The following TMEM161B variants were observed in gnomAD, a reference collection of about 807,000 sequenced individuals.
TMEM161B encodes the protein transmembrane protein 161B.
In TMEM161B, 34 loss-of-function variants were observed where a neutral mutation model predicts 61.8. The ratio of observed to expected loss-of-function variants is 0.55; its 90% confidence interval spans 0.42 to 0.73. The LOEUF (loss-of-function observed/expected upper bound fraction) is 0.73, where lower values mean the gene tolerates loss of function less well. Among genes scored for constraint, TMEM161B ranks in the 30% least tolerant of loss-of-function variants. TMEM161B has a pLI of 0.00. For missense variants in TMEM161B, 456 were observed against 558.5 expected, an observed-to-expected ratio of 0.82 and a Z score of 1.85; for synonymous variants, 167 against 192.8, an observed-to-expected ratio of 0.87 and a Z score of 1.11.
At chr5:88,234,940 C>A (rs1159147802) in intron 2 of TMEM161B, among the ~76,000 whole-genome samples, 1 of 152,110 alleles carries the variant, frequency 6.6e-6, no homozygotes, top group Non-Finnish European at 1.5e-5. Flanking sequence ...GTTAAATATA[C>A]AACTTTCAGT....
intron 5 of TMEM161B, among the ~76,000 whole-genome samples, chr5:88,209,515 C>T (rs186686477): frequency 1.3e-5 from 2 of 152,210 alleles, no homozygotes; most frequent in Non-Finnish European, 2.9e-5. Flanking sequence ...TATGTCAACA[C>T]TAAAGGAAAA....
intron 10 of TMEM161B, 105 bp downstream of exon 10, chr5:88,198,871 G>T (rs973719212): frequency 8.7e-5 from 83 of 949,830 alleles, no homozygotes; most frequent in Non-Finnish European, 1.2e-4. Flanking sequence ...TTTATAATAA[G>T]AATATGATGG....
chr5:88,225,387 G>A (rs1253615306), intron 4 of TMEM161B, among the ~76,000 whole-genome samples: 1 of 152,148 alleles, frequency 6.6e-6, no homozygotes, highest in African/African-American at 2.4e-5. Context: ...CTGCATAAAA[G>A]TAGGCACCCC....
rs1325974365 is a variant in TMEM161B at position 88,230,271 on chromosome 5, T to TA, written c.108-1744dup. ...GTACCCACTGAATATTTGATTACAT[T>TA]AAAAAATTTTAGGTATGATAATGAG... On this transcript the variant is annotated intron_variant, in intron 2 of 11. Transcript: ENST00000296595. Among the ~76,000 whole-genome samples, 3 of 152,166 alleles carry TA rather than the reference T, an allele frequency of 2.0e-5. No homozygotes were observed. The South Asian group carries it at 6.2e-4, about 32-fold the overall frequency.
chr5:88,253,263 G>A (rs1754567718), intron 1 of TMEM161B, among the ~76,000 whole-genome samples: 1 of 152,126 alleles, frequency 6.6e-6, no homozygotes, highest in Non-Finnish European at 1.5e-5. Context: ...TTCATCGTAT[G>A]TGGATTTTAT....
In TMEM161B at chr5:88,209,191, A is replaced by ACTTC. The variant is rs1480398311; in HGVS notation, c.447-2012_447-2011insGAAG. ...TCTCTTTCTTGGCATTATAAGGAAG[A>ACTTC]GCTTACATATTAGAAGAGGACAAAG... On this transcript the variant is annotated intron_variant, in intron 5 of 11. Coordinates refer to ENST00000296595, the MANE Select transcript of TMEM161B (RefSeq NM_153354.5). Among the ~76,000 whole-genome samples, 629 of 152,280 alleles carry ACTTC rather than the reference A, an allele frequency of 4.1e-3. 10 individuals carry two copies. Among genetic ancestry groups the ACTTC allele is most frequent in the African/African-American group, 0.015 (605 of 41,552 alleles).
intron 1 of TMEM161B, among the ~76,000 whole-genome samples, chr5:88,243,660 G>C (rs1382471388): frequency 6.6e-6 from 1 of 151,864 alleles, no homozygotes; most frequent in African/African-American, 2.4e-5. Flanking sequence ...AGTTATTTGA[G>C]AAGTCGCCAA....
At chr5:88,190,623 C>A (rs1368828208), downstream of TMEM161B, among the ~76,000 whole-genome samples, 1 of 152,224 alleles carries the variant, frequency 6.6e-6, no homozygotes, top group East Asian at 1.9e-4. Context: ...CCAAACCCAC[C>A]AAGGTGGAAG....
intron 1 of TMEM161B, among the ~76,000 whole-genome samples, chr5:88,257,560 T>C (rs1005744596): frequency 6.6e-6 from 1 of 152,224 alleles, no homozygotes; most frequent in East Asian, 1.9e-4. Flanking sequence ...CCTGGGATTC[T>C]TTCCTTATCT....
chr5:88,185,666 G>T (rs1046806427), downstream of TMEM161B, among the ~76,000 whole-genome samples: 1 of 152,138 alleles, frequency 6.6e-6, no homozygotes, highest in Admixed American at 6.6e-5. Flanking sequence ...AGTTCTAAAG[G>T]TTTTTTAAAA....
chr5:88,206,988 A>C (rs754069241), intron 6 of TMEM161B, 41 bp downstream of exon 6: 158 of 1,592,528 alleles, frequency 9.9e-5, no homozygotes, highest in Non-Finnish European at 1.3e-4. Context: ...TTAACACTAG[A>C]TAAAGCAAAA....
chr5:88,249,292 T>A (rs1377707531), intron 1 of TMEM161B, among the ~76,000 whole-genome samples: 1 of 152,036 alleles, frequency 6.6e-6, no homozygotes. Context: ...CAGGCCATCA[T>A]CACAAAAGGT....
intron 1 of TMEM161B, among the ~76,000 whole-genome samples, chr5:88,254,203 A>C (rs1209859109): frequency 6.6e-6 from 1 of 152,150 alleles, no homozygotes; most frequent in Non-Finnish European, 1.5e-5. Flanking sequence ...ATAGGTATGG[A>C]GATGTATTAA....
intron 5 of TMEM161B, among the ~76,000 whole-genome samples, chr5:88,211,663 C>T (rs1032476092): frequency 2.0e-5 from 3 of 151,262 alleles, no homozygotes; most frequent in South Asian, 2.1e-4. Context: ...CCAGCTAACT[C>T]GGGAAGCTGA....
chr5:88,199,341 G>T, intron 9 of TMEM161B, 191 bp from the exon 10 acceptor site: 1 of 453,218 alleles, frequency 2.2e-6, no homozygotes, highest in Non-Finnish European at 3.7e-6. Flanking sequence ...CTAGATAAAT[G>T]TATCATGAAA....
In TMEM161B at chr5:88,240,824, G is replaced by A. The variant is rs1752611830; in HGVS notation, c.96C>T (p.Leu32=). 1 of 1,610,988 alleles carries A rather than the reference G, an allele frequency of 6.2e-7. No homozygotes were observed. The highest frequency in any genetic ancestry group is 8.5e-7 in the Non-Finnish European group (1 of 1,177,962). Residue 32 remains leucine (L), a synonymous_variant, in exon 2 of 12, where the codon CTC becomes CTT. Transcript: ENST00000296595. ...IPHYSLARWL[L]CNGSLRWYQH... is the part of the protein sequence containing the mutation. ...TATCCTTGCCTTACCTGCCATTACA[G>A]AGTAGCCATCGAGCAAGAGAATAGT...
Position 88,199,254 on chromosome 5 carries a change from C to T in TMEM161B, c.915-104G>A, listed in dbSNP as rs571489607. On this transcript the variant is annotated intron_variant, in intron 9 of 11. Coordinates refer to ENST00000296595, the MANE Select transcript of TMEM161B (RefSeq NM_153354.5). ...TATAAGATATAAGAAGTCTATACTT[C>T]GCAACAGTTAGACACATAAAAGAAT... 240 of 1,148,532 alleles carry T rather than the reference C, an allele frequency of 2.1e-4. 1 individual carries two copies. In the Middle Eastern group the frequency reaches 5.4e-3, roughly 26 times the overall value. The allele number at this position is 1,148,532 out of a possible 1,614,324, so 71.1% of individuals were successfully genotyped here. A position where few individuals can be genotyped will look rare whatever the true frequency, so the allele number is the denominator to read the frequency against.
chr5:88,257,799 T>A (rs563954325), intron 1 of TMEM161B, among the ~76,000 whole-genome samples: 6 of 152,108 alleles, frequency 3.9e-5, no homozygotes, highest in Non-Finnish European at 7.4e-5. Context: ...GAAATCAGAG[T>A]TCCAAATTAA....
At chr5:88,191,375 T>A (rs1748832006), downstream of TMEM161B, among the ~76,000 whole-genome samples, 2 of 152,184 alleles carry the variant, frequency 1.3e-5, no homozygotes, top group South Asian at 2.1e-4. Context: ...GTCTGCATTC[T>A]CTCCACTAGA....
Sources: gnomAD v4.1 joint callset for allele counts (sites outside exome capture counted in the v4.1 genomes callset) on GRCh38, gnomAD v4.1.1 for gene constraint, MANE v1.5 for transcripts, NCBI Gene and HGNC (gene_info 2026-07-23, HGNC 2026-07-21) for gene names.